Variants in STPG2 observed in about 807,000 individuals in gnomAD.
The protein encoded by STPG2 is sperm-tail PG-rich repeat-containing protein 2.
In STPG2, 56 loss-of-function variants were observed where a neutral mutation model predicts 54.2. That is an observed-to-expected ratio of 1.03 (90% CI 0.83 to 1.29). The LOEUF (loss-of-function observed/expected upper bound fraction) is 1.29. Ranked by LOEUF, STPG2 falls within the 50% of genes most tolerant of loss-of-function variation. STPG2 has a pLI of 0.00. For missense variants in STPG2, 596 were observed against 544.9 expected (o/e 1.09, Z -0.93); for synonymous variants, 200 against 181.8 (o/e 1.10, Z -0.81).
chr4:97,779,244 G>A (rs1726507333), intron 9 of STPG2, among the ~76,000 whole-genome samples: 1 of 152,164 alleles, frequency 6.6e-6, no homozygotes, highest in Admixed American at 6.5e-5. Flanking sequence ...TAAATGACCT[G>A]ATGGAACTGA....
At chr4:97,837,377 AT>A (rs2149118390) in intron 9 of STPG2, among the ~76,000 whole-genome samples, 2 of 151,710 alleles carry the variant, frequency 1.3e-5, no homozygotes, top group South Asian at 4.1e-4. Flanking sequence ...GTTTATATCT[AT>A]TTTCTTTTTA....
intron 8 of STPG2, among the ~76,000 whole-genome samples, chr4:97,911,522 T>G (rs912678311): frequency 2.6e-5 from 4 of 152,266 alleles, no homozygotes; most frequent in Non-Finnish European, 5.9e-5. Context: ...GTCTGGGTGG[T>G]CCAGATTGGG....
At chr4:98,103,761 A>G (rs1248245900) in intron 5 of STPG2, among the ~76,000 whole-genome samples, 1 of 152,004 alleles carries the variant, frequency 6.6e-6, no homozygotes, top group Non-Finnish European at 1.5e-5. Flanking sequence ...TTCACTAATT[A>G]TCTCTCCTCT....
intron 4 of STPG2, among the ~76,000 whole-genome samples, chr4:97,510,945 G>A: frequency 6.6e-6 from 1 of 152,030 alleles, no homozygotes; most frequent in East Asian, 1.9e-4. Context: ...TATAGCTTGG[G>A]CAACAGAGCA....
chr4:97,636,594 G>A (rs1397305959), intron 10 of STPG2, among the ~76,000 whole-genome samples: 2 of 150,234 alleles, frequency 1.3e-5, no homozygotes, highest in African/African-American at 4.9e-5. Flanking sequence ...TAGACTGCTA[G>A]CAAGACTAAT....
At chr4:98,120,145 A>G (rs1277486869) in intron 3 of STPG2, among the ~76,000 whole-genome samples, 1 of 152,134 alleles carries the variant, frequency 6.6e-6, no homozygotes, top group African/African-American at 2.4e-5. Flanking sequence ...CAGTGGCTCA[A>G]TCTTAGCTCA....
intron 4 of STPG2, among the ~76,000 whole-genome samples, chr4:97,504,594 G>T (rs1339556599): frequency 6.6e-6 from 1 of 151,812 alleles, no homozygotes; most frequent in Non-Finnish European, 1.5e-5. Flanking sequence ...ATATTTTCTT[G>T]TAAAACTTTC....
intron 9 of STPG2, among the ~76,000 whole-genome samples, chr4:97,802,603 A>G (rs804324): frequency 0.58 from 88,445 of 151,672 alleles, 26,353 homozygotes; most frequent in East Asian, 0.74. Context: ...CCCAAATAGC[A>G]GGGATTACTG....
intron 9 of STPG2, among the ~76,000 whole-genome samples, chr4:97,820,697 A>T (rs1441730101): frequency 6.6e-6 from 1 of 152,202 alleles, no homozygotes; most frequent in Non-Finnish European, 1.5e-5. Context: ...ATCTGCTTCA[A>T]TGTGGGGAGG....
intron 4 of STPG2, among the ~76,000 whole-genome samples, chr4:97,502,025 GC>G (rs1449111608): frequency 2.6e-5 from 4 of 151,878 alleles, no homozygotes; most frequent in Middle Eastern, 3.4e-3. Flanking sequence ...AAGATTCAAA[GC>G]AAATATAGGA....
chr4:97,871,909 C>A (rs1422032610), intron 8 of STPG2, among the ~76,000 whole-genome samples: 2 of 150,792 alleles, frequency 1.3e-5, no homozygotes, highest in African/African-American at 4.8e-5. Context: ...TAATTGTGAA[C>A]AGAATTCAAT....
intron 9 of STPG2, among the ~76,000 whole-genome samples, chr4:97,825,555 T>C (rs1161393537): frequency 6.6e-6 from 1 of 152,134 alleles, no homozygotes. Flanking sequence ...TCTAGAAATC[T>C]GTTTTACCTC....
intron 9 of STPG2, among the ~76,000 whole-genome samples, chr4:97,834,896 C>T (rs1460418794): frequency 6.6e-6 from 1 of 151,978 alleles, no homozygotes; most frequent in African/African-American, 2.4e-5. Context: ...AATATTATTG[C>T]CCCTGTTCAG....
intron 4 of STPG2, among the ~76,000 whole-genome samples, chr4:97,525,064 C>A (rs1731254708): frequency 6.6e-6 from 1 of 151,810 alleles, no homozygotes; most frequent in African/African-American, 2.4e-5. Context: ...CTCTAATTTA[C>A]CAGAGTGATT....
At chr4:97,632,913 T>C (rs1471825035) in intron 10 of STPG2, among the ~76,000 whole-genome samples, 2 of 152,120 alleles carry the variant, frequency 1.3e-5, no homozygotes, top group Non-Finnish European at 2.9e-5. Context: ...AATTGGATGC[T>C]TATTATATGC....
At chr4:98,114,757 T>C (rs1739462073) in intron 3 of STPG2, among the ~76,000 whole-genome samples, 1 of 20,522 alleles carries the variant, frequency 4.9e-5, no homozygotes, top group Non-Finnish European at 1.1e-4. Context: ...ATATCCATTT[T>C]TTTTTTTTTG....
At chr4:98,039,698 A>ATATATATATC (rs757439122) in intron 5 of STPG2, among the ~76,000 whole-genome samples, 1 of 150,530 alleles carries the variant, frequency 6.6e-6, no homozygotes, top group Non-Finnish European at 1.5e-5. Context: ...ATATATATAT[A>ATATATATATC]TCTCACATTT....
At chr4:97,596,008 TTTC>T (rs1401085531) in intron 10 of STPG2, among the ~76,000 whole-genome samples, 2 of 152,094 alleles carry the variant, frequency 1.3e-5, no homozygotes. Flanking sequence ...AACAATACGC[TTTC>T]TTCAAGAGAT....
chr4:97,561,914 G>A (rs1732260100), intron 10 of STPG2, among the ~76,000 whole-genome samples: 1 of 152,120 alleles, frequency 6.6e-6, no homozygotes, highest in Non-Finnish European at 1.5e-5. Context: ...GGATTGACTT[G>A]GCTATGCGGG....
Sources: allele counts gnomAD v4.1 joint callset (sites outside exome capture counted in the v4.1 genomes callset), GRCh38; gene constraint gnomAD v4.1.1; transcripts MANE v1.5; gene names NCBI Gene and HGNC (gene_info 2026-07-23, HGNC 2026-07-21).